ZFAT: variants seen among roughly 807,000 people sequenced by gnomAD.
ZFAT encodes zinc finger and AT-hook domain containing, also known as zinc finger protein ZFAT.
Under a neutral mutation model 117.7 loss-of-function variants are expected in ZFAT, and 64 were observed. The ratio of observed to expected loss-of-function variants is 0.54; its 90% CI spans 0.44 to 0.67. ZFAT has a LOEUF of 0.67. Ranked by LOEUF, ZFAT falls within the 30% of genes least tolerant of loss-of-function variation. The pLI is 0.00. For missense variants in ZFAT, 1,433 were observed against 1,584.5 expected, an observed-to-expected ratio of 0.90 and a Z score of 1.62; for synonymous variants, 679 against 615.0, an observed-to-expected ratio of 1.10 and a Z score of -1.54.
chr8:134,635,200 A>C, intron 3 of ZFAT, among the ~76,000 whole-genome samples: 1 of 152,132 alleles, frequency 6.6e-6, no homozygotes, highest in East Asian at 1.9e-4. Flanking sequence ...GGCAGTGCAG[A>C]CTGGGGAACG....
In ZFAT at chr8:134,600,464, T is replaced by C. The variant is rs777795628; in HGVS notation, c.2447A>G (p.Gln816Arg). 1.9e-6 allele frequency: 3 copies of C among 1,614,230 alleles called. No individual in the cohort carries two copies. The highest frequency in any genetic ancestry group is 2.5e-6 in the Non-Finnish European group (3 of 1,180,036). Residue 816 changes from glutamine (Q) to arginine (R), a missense_variant, in exon 7 of 16, where the codon CAG becomes CGG. Coordinates refer to ENST00000377838, the MANE Select transcript of ZFAT (RefSeq NM_020863.4). ...DYSTPDKYKLQAHLKVHTALD... is the reference protein window; with the variant it reads ...DYSTPDKYKLRAHLKVHTALD... ...TGCTGTGTGAACTTTAAGATGTGCC[T>C]GTAGCTTATATTTATCTGGAGTTGA...
intron 15 of ZFAT, among the ~76,000 whole-genome samples, chr8:134,495,830 T>C (rs1818394581): frequency 6.6e-6 from 1 of 151,996 alleles, no homozygotes; most frequent in African/African-American, 2.4e-5. Context: ...CTCTGGAGGC[T>C]GGAGTGGGAG....
rs117240363 is a variant in ZFAT, at chr8:134,643,655, T to C, written c.197-5943A>G. Among the ~76,000 whole-genome samples, 661 of 152,324 alleles carry C rather than the reference T, an allele frequency of 4.3e-3. 10 individuals carry two copies. The highest frequency in any genetic ancestry group is 0.015 in the African/African-American group (615 of 41,562). The stretch of plus-strand genomic sequence containing the variant: ...GGCTGTACCCTGTGTGAGGCGGTGA[T>C]TGAAGACTTACCAGGGCCAAATTCC... On this transcript the variant is annotated intron_variant, in intron 2 of 15. Coordinates refer to ENST00000377838, the MANE Select transcript of ZFAT (RefSeq NM_020863.4).
At chr8:134,755,541 G>T in the ZFAT span, among the ~76,000 whole-genome samples, 51 of 152,106 alleles carry the variant, frequency 3.4e-4, no homozygotes, top group African/African-American at 1.2e-3. Context: ...GCCTGGTGCG[G>T]TGGCTCATGC....
the ZFAT span, among the ~76,000 whole-genome samples, chr8:134,729,457 A>G: frequency 6.6e-6 from 1 of 152,172 alleles, no homozygotes; most frequent in South Asian, 2.1e-4. Flanking sequence ...TCAGCCTCCC[A>G]AGTAGCTGGG....
chr8:134,750,070 C>T, the ZFAT span, among the ~76,000 whole-genome samples: 244 of 152,228 alleles, frequency 1.6e-3, no homozygotes, highest in African/African-American at 3.6e-3. Flanking sequence ...AGATCAGTTT[C>T]GGAGGAACAA....
rs1360136737 is a variant in ZFAT at position 134,600,452 on chromosome 8, T to G, written c.2459A>C (p.Lys820Thr). 6.2e-7 allele frequency: 1 copy of G among 1,614,206 alleles called. No individual in the cohort carries two copies. The highest frequency in any genetic ancestry group is 1.1e-5 in the South Asian group (1 of 91,090). The change falls in exon 7 of 16, where the codon AAA becomes ACA. Residue 820 changes from lysine to threonine, a missense_variant. By Grantham distance (78) the Lys-to-Thr change is moderately conservative. This residue lies in a region of ZFAT where 49 missense variants were observed against 81.5 expected (regional missense o/e 0.60). Coordinates refer to ENST00000377838, the MANE Select transcript of ZFAT (RefSeq NM_020863.4). ...PDKYKLQAHLKVHTALDKRSY... is the reference protein window; with the variant it reads ...PDKYKLQAHLTVHTALDKRSY... The stretch of plus-strand genomic sequence containing the variant: ...GCTACTTACCAGTGCTGTGTGAACT[T>G]TAAGATGTGCCTGTAGCTTATATTT...
chr8:134,760,640 A>C, the ZFAT span, among the ~76,000 whole-genome samples: 2 of 152,100 alleles, frequency 1.3e-5, no homozygotes, highest in African/African-American at 4.8e-5. Context: ...TGCTGGGAGG[A>C]ATAAAGGTGT....
rs1426569708 is a variant in ZFAT at position 134,542,859 on chromosome 8, C to T, written c.2977-9887G>A. Among the ~76,000 whole-genome samples, 6 of 152,336 alleles carry T rather than the reference C, an allele frequency of 3.9e-5. No homozygotes were observed. In the East Asian group the frequency reaches 7.7e-4, roughly 20 times the overall value. On this transcript the variant is annotated intron_variant, in intron 11 of 15. Coordinates refer to ENST00000377838, the MANE Select transcript of ZFAT (RefSeq NM_020863.4). ...CAGCCAGATACATGCAGTTACTGCA[C>T]AGAAGAAGAGATGGGGTAATGTGCA...
chr8:134,774,472 A>C, the ZFAT span, among the ~76,000 whole-genome samples: 1 of 152,206 alleles, frequency 6.6e-6, no homozygotes. Context: ...ATCAATCAAC[A>C]GCCATCAACA....
intron 3 of ZFAT, among the ~76,000 whole-genome samples, chr8:134,624,180 G>GCGCACACACACA (rs1357559072): frequency 5.5e-5 from 8 of 146,192 alleles, no homozygotes; most frequent in African/African-American, 2.1e-4. Context: ...ATGTGCACAT[G>GCGCACACACACA]CACACACACA....
intron 11 of ZFAT, among the ~76,000 whole-genome samples, chr8:134,564,816 C>T (rs748290623): frequency 3.9e-5 from 6 of 152,160 alleles, no homozygotes; most frequent in African/African-American, 7.2e-5. Flanking sequence ...GCATTACCAC[C>T]TACACTGAAG....
chr8:134,783,200 T>C, the ZFAT span, among the ~76,000 whole-genome samples: 1 of 152,202 alleles, frequency 6.6e-6, no homozygotes, highest in Non-Finnish European at 1.5e-5. Flanking sequence ...TATTTTTTCA[T>C]TATATTTCTG....
At chr8:134,487,097 T>C (rs1304908142) in intron 15 of ZFAT, among the ~76,000 whole-genome samples, 1 of 152,166 alleles carries the variant, frequency 6.6e-6, no homozygotes, top group African/African-American at 2.4e-5. Context: ...TACATGAATA[T>C]TGTGCACATA....
At chr8:134,709,750 A>G (rs1014305153) in intron 1 of ZFAT, among the ~76,000 whole-genome samples, 2 of 152,234 alleles carry the variant, frequency 1.3e-5, no homozygotes, top group African/African-American at 4.8e-5. Flanking sequence ...AACAATAGCT[A>G]TCTTGCAAAA....
At chr8:134,504,247 C>T (rs994298512) in intron 15 of ZFAT, among the ~76,000 whole-genome samples, 1 of 152,140 alleles carries the variant, frequency 6.6e-6, no homozygotes, top group Non-Finnish European at 1.5e-5. Flanking sequence ...CAGAGGCTGA[C>T]ACCCCACAAT....
the ZFAT span, among the ~76,000 whole-genome samples, chr8:134,744,829 A>C: frequency 7.2e-6 from 1 of 138,166 alleles, no homozygotes; most frequent in Admixed American, 8.2e-5. Context: ...TCCTGGGTTC[A>C]TGCCATTCTC....
intron 3 of ZFAT, among the ~76,000 whole-genome samples, chr8:134,615,147 T>A (rs1828625170): frequency 6.6e-6 from 1 of 152,086 alleles, no homozygotes; most frequent in Non-Finnish European, 1.5e-5. Context: ...TCTCCTTGTA[T>A]CCCATGGCCC....
intron 11 of ZFAT, among the ~76,000 whole-genome samples, chr8:134,550,437 T>A (rs1003534409): frequency 6.6e-6 from 1 of 151,538 alleles, no homozygotes; most frequent in Non-Finnish European, 1.5e-5. Context: ...AATTAAACAA[T>A]TTAAGAGAAT....
Sources: allele counts gnomAD v4.1 joint callset (sites outside exome capture counted in the v4.1 genomes callset), GRCh38; gene constraint gnomAD v4.1.1; regional missense constraint gnomAD v4.1.1; transcripts MANE v1.5; gene names NCBI Gene and HGNC (gene_info 2026-07-23, HGNC 2026-07-21).